BBS9: variants seen among roughly 807,000 people sequenced by gnomAD.
BBS9 encodes the protein Bardet-Biedl syndrome 9, also known as protein PTHB1.
Under a neutral mutation model 117.7 loss-of-function variants are expected in BBS9, and 89 were observed. That is an observed-to-expected ratio of 0.76 (90% confidence interval 0.64 to 0.90). BBS9 has a LOEUF of 0.90. Ranked by LOEUF, BBS9 falls within the 40% of genes least tolerant of loss-of-function variation. The probability of loss-of-function intolerance (pLI) is 0.00; values close to 1 mark genes in which losing one functional copy is unlikely to be tolerated. For synonymous variants in BBS9, 379 were observed against 370.9 expected, an observed-to-expected ratio of 1.02 and a Z score of -0.25; for missense variants, 982 against 1,042.2, an observed-to-expected ratio of 0.94 and a Z score of 0.80.
At chr7:33,491,607 C>G (rs962216075) in intron 19 of BBS9, among the ~76,000 whole-genome samples, 4 of 152,112 alleles carry the variant, frequency 2.6e-5, no homozygotes, top group Admixed American at 1.3e-4. Flanking sequence ...GCTGGGGACA[C>G]AGTAGTAAAT....
chr7:33,516,351 CG>C, intron 20 of BBS9, among the ~76,000 whole-genome samples: 1 of 151,584 alleles, frequency 6.6e-6, no homozygotes, highest in African/African-American at 2.4e-5. Flanking sequence ...TGGCCTGGTG[CG>C]GTGGCAGGCA....
intron 3 of BBS9, among the ~76,000 whole-genome samples, chr7:33,155,399 A>G (rs1419568538): frequency 1.3e-5 from 2 of 152,174 alleles, no homozygotes; most frequent in African/African-American, 4.8e-5. Context: ...TTTTTCTTGG[A>G]AGCTCTGTTG....
chr7:33,330,066 T>G (rs1217909000), intron 9 of BBS9, among the ~76,000 whole-genome samples: 1 of 151,716 alleles, frequency 6.6e-6, no homozygotes, highest in African/African-American at 2.4e-5. Context: ...TGGGCTGGAG[T>G]GCAGTGGCAT....
At chr7:33,186,742 G>T (rs534626886) in intron 5 of BBS9, among the ~76,000 whole-genome samples, 23 of 152,120 alleles carry the variant, frequency 1.5e-4, no homozygotes, top group African/African-American at 5.5e-4. Flanking sequence ...AAAAATGTTC[G>T]TTGTTTTTTA....
At chr7:33,441,906 TC>T (rs370888458) in intron 19 of BBS9, among the ~76,000 whole-genome samples, 9,694 of 147,724 alleles carry the variant, frequency 0.066, 398 homozygotes, top group African/African-American at 0.077. Context: ...TTTTTTTTTT[TC>T]CCGAGACAGA....
At chr7:33,628,795 T>C (rs193288475) in intron 21 of BBS9, among the ~76,000 whole-genome samples, 74 of 152,330 alleles carry the variant, frequency 4.9e-4, no homozygotes, top group Middle Eastern at 3.4e-3. Flanking sequence ...TTCAAATTCT[T>C]ATAGAATAAC....
Position 33,295,983 on chromosome 7 carries a change from T to A in BBS9, c.1016+22027T>A, listed in dbSNP as rs374990478. 7.2e-5 allele frequency among the ~76,000 whole-genome samples: 11 copies of A among 152,204 alleles called. No homozygotes were observed. The East Asian group carries it at 2.1e-3, about 29-fold the overall frequency. On this transcript the variant is annotated intron_variant, in intron 9 of 22. Transcript: ENST00000242067. ...GATATCCAGAACCTTCCATGTAACA[T>A]GAGTAAGAAAAATCCCAACAATTAA...
chr7:33,352,983 A>G (rs1310862165), intron 15 of BBS9, 110 bp downstream of exon 15: 16 of 1,148,826 alleles, frequency 1.4e-5, no homozygotes, highest in Admixed American at 1.9e-5. Context: ...TCTTTTAACT[A>G]GAAGAAGTTC....
intron 19 of BBS9, among the ~76,000 whole-genome samples, chr7:33,421,082 G>A (rs1047805752): frequency 2.0e-5 from 3 of 152,186 alleles, no homozygotes; most frequent in Admixed American, 1.3e-4. Flanking sequence ...CAGTAAAGGA[G>A]TAGAAATGGA....
chr7:33,171,181 T>C (rs371167770), intron 4 of BBS9, among the ~76,000 whole-genome samples: 1 of 152,140 alleles, frequency 6.6e-6, no homozygotes, highest in East Asian at 1.9e-4. Flanking sequence ...GCTGGAGGCA[T>C]CACACTACCT....
At chr7:33,507,392 C>T (rs1846297567) in intron 20 of BBS9, among the ~76,000 whole-genome samples, 1 of 152,114 alleles carries the variant, frequency 6.6e-6, no homozygotes, top group African/African-American at 2.4e-5. Flanking sequence ...AGGTGCGTGC[C>T]ACCATGCCTA....
intron 21 of BBS9, among the ~76,000 whole-genome samples, chr7:33,547,540 A>G (rs1853601455): frequency 6.6e-6 from 1 of 152,154 alleles, no homozygotes; most frequent in Non-Finnish European, 1.5e-5. Flanking sequence ...AATTTTTTTT[A>G]AAAAGGAAAG....
At chr7:33,282,916 C>T (rs1175428321) in intron 9 of BBS9, among the ~76,000 whole-genome samples, 1 of 152,130 alleles carries the variant, frequency 6.6e-6, no homozygotes, top group African/African-American at 2.4e-5. Context: ...AGGAAAATAG[C>T]ATACTTATAT....
At chr7:33,618,863 G>A (rs941264786) in intron 21 of BBS9, among the ~76,000 whole-genome samples, 2 of 151,866 alleles carry the variant, frequency 1.3e-5, no homozygotes, top group Non-Finnish European at 2.9e-5. Context: ...GAATAGACCT[G>A]TAGTGGGTAC....
chr7:33,172,376 G>A (rs929411316), intron 4 of BBS9, among the ~76,000 whole-genome samples: 8 of 144,064 alleles, frequency 5.6e-5, no homozygotes, highest in African/African-American at 2.0e-4. Context: ...GCGAGACTCT[G>A]TCTCAAAAAA....
intron 5 of BBS9, among the ~76,000 whole-genome samples, chr7:33,192,660 A>G (rs1784315444): frequency 6.6e-6 from 1 of 152,210 alleles, no homozygotes; most frequent in Admixed American, 6.5e-5. Flanking sequence ...TTGTGTTGCT[A>G]TACCAAAACA....
intron 12 of BBS9, among the ~76,000 whole-genome samples, chr7:33,345,563 A>G (rs1288922778): frequency 1.3e-5 from 2 of 152,184 alleles, no homozygotes; most frequent in Non-Finnish European, 2.9e-5. Context: ...ATCTTACAAC[A>G]GTTTCCTAAG....
chr7:33,385,889 A>G (rs967629306), intron 18 of BBS9, among the ~76,000 whole-genome samples: 18 of 152,076 alleles, frequency 1.2e-4, no homozygotes, highest in Admixed American at 2.0e-4. Context: ...TTTTTGCTCA[A>G]GGGAATATTC....
At chr7:33,445,923 T>C (rs888376033) in intron 19 of BBS9, among the ~76,000 whole-genome samples, 11 of 152,332 alleles carry the variant, frequency 7.2e-5, no homozygotes, top group African/African-American at 2.6e-4. Context: ...TCCCCAGCCA[T>C]GTGGAACTGT....
Sources: allele counts gnomAD v4.1 joint callset (sites outside exome capture counted in the v4.1 genomes callset), GRCh38; gene constraint gnomAD v4.1.1; transcripts MANE v1.5; gene names NCBI Gene and HGNC (gene_info 2026-07-23, HGNC 2026-07-21).